Variants in HPD observed in about 807,000 individuals in gnomAD.
HPD encodes the protein 4-hydroxyphenylpyruvate dioxygenase.
A neutral mutation model predicts 56.9 loss-of-function variants in HPD; 35 were observed. The observed-to-expected ratio is 0.62, with a 90% CI of 0.47 to 0.82. The LOEUF is 0.82. Ranked by LOEUF, HPD falls within the 40% of genes least tolerant of loss-of-function variation. HPD has a pLI of 0.00. For missense variants in HPD, 442 were observed against 506.8 expected, an observed-to-expected ratio of 0.87 and a Z score of 1.23; for synonymous variants, 186 against 200.2, an observed-to-expected ratio of 0.93 and a Z score of 0.60.
At chr12:121,870,268 A>G in the HPD span, among the ~76,000 whole-genome samples, 2 of 152,082 alleles carry the variant, frequency 1.3e-5, no homozygotes, top group East Asian at 1.9e-4. Context: ...AGCACATTCC[A>G]TGCTCTGCTC....
chr12:121,865,475 G>C (rs2137644214), upstream of HPD, among the ~76,000 whole-genome samples: 1 of 150,358 alleles, frequency 6.7e-6, no homozygotes, highest in South Asian at 2.1e-4. Flanking sequence ...TCGTCATGTT[G>C]GCCAGGCTGG....
chr12:121,855,065 G>A (rs1877944935), intron 6 of HPD, among the ~76,000 whole-genome samples: 1 of 152,150 alleles, frequency 6.6e-6, no homozygotes, highest in Non-Finnish European at 1.5e-5. Flanking sequence ...CTCCCCCTGT[G>A]ATCAGTCCCC....
At position 121,845,260 on chromosome 12, in the gene HPD, GT is replaced by G. The variant is rs1285002771; in HGVS notation, c.832-1429del. On this transcript the variant is annotated intron_variant, in intron 11 of 13. Coordinates refer to ENST00000289004, the MANE Select transcript of HPD (RefSeq NM_002150.3). ...CTTCTGGGTAACTAGAACCACAGGT[GT>G]GCACCACCACACCTGGCTAATTTTT... is the stretch of plus-strand genomic sequence containing the variant. Among the ~76,000 whole-genome samples the G allele has an allele frequency of 1.3e-5, 2 of 149,192 alleles. 1 individual carries two copies. The highest frequency in any genetic ancestry group is 5.2e-5 in the African/African-American group (2 of 38,812).
At chr12:121,885,038 C>T in the HPD span, among the ~76,000 whole-genome samples, 1 of 151,702 alleles carries the variant, frequency 6.6e-6, no homozygotes, top group Non-Finnish European at 1.5e-5. Flanking sequence ...TTACAGGTGC[C>T]TGCCACCACG....
chr12:121,843,879 C>A, intron 11 of HPD, 47 bp from the exon 12 acceptor site: 1 of 1,613,544 alleles, frequency 6.2e-7, no homozygotes, highest in Non-Finnish European at 8.5e-7. Context: ...CCAAGTTCAA[C>A]TCCCCTAGCC....
chr12:121,843,958 T>G, intron 11 of HPD, 126 bp from the exon 12 acceptor site: 1 of 1,046,884 alleles, frequency 9.6e-7, no homozygotes, highest in Non-Finnish European at 1.5e-6. Flanking sequence ...CAGGATGCTG[T>G]GTGGCCTCTT....
chr12:121,886,843 T>G, the HPD span, among the ~76,000 whole-genome samples: 1 of 152,204 alleles, frequency 6.6e-6, no homozygotes, highest in Non-Finnish European at 1.5e-5. Context: ...ATAATTCAAG[T>G]AAGGATCATG....
chr12:121,857,366 A>T lies in HPD; in HGVS notation c.160T>A (p.Ser54Thr). 6.2e-7 allele frequency: 1 copy of T among 1,614,068 alleles called. No individual in the cohort carries two copies. Among genetic ancestry groups the T allele is most frequent in the Non-Finnish European group, 8.5e-7 (1 of 1,179,958 alleles). ...PLAYRGLETG[S>T]REVVSHVIKQ... ...ATTACATGGCTGACCACCTCCCGGGAACCGGTCTCCAGGCCCCTGTAGGCT... is the reference window on the plus strand; with the variant it reads ...ATTACATGGCTGACCACCTCCCGGGTACCGGTCTCCAGGCCCCTGTAGGCT... Residue 54 changes from serine (S) to threonine (T), a missense_variant, in exon 4 of 14, where the codon TCC (serine) becomes ACC (threonine). Ser to Thr is a moderately conservative substitution (Grantham distance 58). Coordinates refer to ENST00000289004, the MANE Select transcript of HPD (RefSeq NM_002150.3).
intron 3 of HPD, 68 bp downstream of exon 3, chr12:121,857,689 G>T: frequency 2.2e-6 from 3 of 1,350,398 alleles, no homozygotes; most frequent in Non-Finnish European, 3.2e-6. Flanking sequence ...CCTGCTGGAG[G>T]CCTGCCCTTG....
Position 121,854,776 on chromosome 12 carries a change from C to T in HPD, c.341G>A (p.Gly114Asp), listed in dbSNP as rs762129687. Residue 114 changes from glycine (G) to aspartate (D), a missense_variant, in exon 7 of 14, where the codon GGC becomes GAC. Transcript: ENST00000289004. ...CCAGGGCTCCCGCATGATTTTGGCG[C>T]CCCGTTCCCGTGCTTTCTGCAGAGA... The part of the protein sequence containing the change: ...DYIVQKARER[G>D]AKIMREPWVE... 6 of 1,614,062 alleles carry T rather than the reference C, an allele frequency of 3.7e-6. No homozygotes were observed. The East Asian group carries it at 6.7e-5, about 18-fold the overall frequency.
chr12:121,869,364 A>G, the HPD span, among the ~76,000 whole-genome samples: 1 of 151,306 alleles, frequency 6.6e-6, no homozygotes, highest in Non-Finnish European at 1.5e-5. Context: ...AAAAAAAAAA[A>G]AAAAAAAAAA....
chr12:121,858,905 G>T (rs972297274), upstream of HPD: 3 of 1,546,886 alleles, frequency 1.9e-6, no homozygotes, highest in Non-Finnish European at 2.7e-6. Context: ...AGCAGGTCCC[G>T]CCCAGGCCTC....
chr12:121,885,620 G>C, the HPD span, among the ~76,000 whole-genome samples: 1 of 151,868 alleles, frequency 6.6e-6, no homozygotes, highest in Non-Finnish European at 1.5e-5. Context: ...ATCAAAATCA[G>C]GAAATTTTCA....
chr12:121,874,962 G>T, the HPD span, among the ~76,000 whole-genome samples: 15 of 152,134 alleles, frequency 9.9e-5, no homozygotes, highest in African/African-American at 3.4e-4. Flanking sequence ...GTTTCTCCAT[G>T]CTGGTCAGGC....
At chr12:121,857,722 G>T in intron 3 of HPD, 35 bp downstream of exon 3, 2 of 1,585,168 alleles carry the variant, frequency 1.3e-6, no homozygotes, top group Non-Finnish European at 1.7e-6. Flanking sequence ...CTGCCCTGCC[G>T]TCTGCTCACT....
At chr12:121,841,860 T>C (rs75059996) in intron 12 of HPD, among the ~76,000 whole-genome samples, 57 of 152,074 alleles carry the variant, frequency 3.7e-4, no homozygotes, top group Middle Eastern at 3.4e-3. Flanking sequence ...AATTTTTGTA[T>C]TTTTAGTAGA....
chr12:121,882,623 G>T, the HPD span, among the ~76,000 whole-genome samples: 1 of 152,198 alleles, frequency 6.6e-6, no homozygotes, highest in Non-Finnish European at 1.5e-5. Flanking sequence ...GGACAGACAG[G>T]TAAACATGCA....
upstream of HPD, among the ~76,000 whole-genome samples, chr12:121,865,022 C>A (rs562607946): frequency 6.6e-6 from 1 of 151,900 alleles, no homozygotes; most frequent in Non-Finnish European, 1.5e-5. Context: ...AATCCCAGCA[C>A]TTTGGGAGGC....
At chr12:121,841,448 G>A (rs1334146695) in intron 12 of HPD, among the ~76,000 whole-genome samples, 2 of 152,134 alleles carry the variant, frequency 1.3e-5, no homozygotes, top group Non-Finnish European at 2.9e-5. Flanking sequence ...TTGAAAACAC[G>A]TCCACACAGA....
Sources: allele counts gnomAD v4.1 joint callset (sites outside exome capture counted in the v4.1 genomes callset), GRCh38; gene constraint gnomAD v4.1.1; transcripts MANE v1.5; gene names NCBI Gene and HGNC (gene_info 2026-07-23, HGNC 2026-07-21).